LONP2: variants seen among roughly 807,000 people sequenced by gnomAD.
The protein encoded by LONP2 is lon peptidase 2, peroxisomal.
LONP2 carries 60 observed loss-of-function variants against 85.6 expected under a neutral mutation model. The ratio of observed to expected loss-of-function variants is 0.70; its 90% CI spans 0.57 to 0.87. The LOEUF is 0.87. Among genes scored for constraint, LONP2 ranks in the 40% least tolerant of loss-of-function variants. The pLI is 0.00. For synonymous variants in LONP2, 395 were observed against 389.7 expected, an observed-to-expected ratio of 1.01 and a Z score of -0.16; for missense variants, 860 against 1,063.5, an observed-to-expected ratio of 0.81 and a Z score of 2.66.
intron 11 of LONP2, among the ~76,000 whole-genome samples, chr16:48,309,735 T>C (rs955173007): frequency 2.0e-5 from 3 of 152,204 alleles, no homozygotes; most frequent in African/African-American, 7.2e-5. Context: ...TTTTTTAAAT[T>C]TATTGAGACT....
rs919684437 is a variant in LONP2, at chr16:48,286,600, G to C, written c.1383+9121G>C. ...TCATGGCAGCCTTGACCTTACCCAG[G>C]CTCAAGTGACCCACCCACCTCAGCC... On this transcript the variant is annotated intron_variant, in intron 8 of 14. Transcript: ENST00000285737. 2.6e-4 allele frequency among the ~76,000 whole-genome samples: 40 copies of C among 151,898 alleles called. 1 individual carries two copies. The highest frequency in any genetic ancestry group is 8.8e-5 in the Non-Finnish European group (6 of 67,980).
chr16:48,268,854 T>A (rs1022928521), intron 6 of LONP2, among the ~76,000 whole-genome samples: 1 of 152,294 alleles, frequency 6.6e-6, no homozygotes, highest in Non-Finnish European at 1.5e-5. Context: ...AATTACCATC[T>A]CAGGCCATTT....
rs1644797219 is a variant in LONP2 at position 48,262,884 on chromosome 16, A to G, written c.982+12A>G. 1 of 1,538,974 alleles carries G rather than the reference A, an allele frequency of 6.5e-7. No homozygotes were observed. Among genetic ancestry groups the G allele is most frequent in the African/African-American group, 1.4e-5 (1 of 73,114 alleles). ...CAAAAGTACAACTGGTAAGCCAAAA[A>G]ATAACACCTGTTTTGCAGTCTAATT... On this transcript the variant is annotated intron_variant, in intron 6 of 14. Transcript: ENST00000285737.
At chr16:48,297,374 A>C (rs1972695788) in intron 9 of LONP2, among the ~76,000 whole-genome samples, 1 of 151,812 alleles carries the variant, frequency 6.6e-6, no homozygotes, top group Non-Finnish European at 1.5e-5. Context: ...GCAGTGGCAC[A>C]ATCTTGGCTC....
chr16:48,335,815 T>G (rs1056207545), intron 12 of LONP2, among the ~76,000 whole-genome samples: 6 of 152,222 alleles, frequency 3.9e-5, no homozygotes, highest in African/African-American at 1.4e-4. Context: ...GAATAGAACT[T>G]GTTTACTCTT....
At chr16:48,277,672 T>A (rs1379690136) in intron 8 of LONP2, among the ~76,000 whole-genome samples, 193 bp downstream of exon 8, 1 of 152,160 alleles carries the variant, frequency 6.6e-6, no homozygotes, top group Non-Finnish European at 1.5e-5. Flanking sequence ...AGTCCCCTTT[T>A]TTTTTATTTT....
intron 4 of LONP2, 52 bp downstream of exon 4, chr16:48,258,792 A>G (rs1298048854): frequency 6.6e-7 from 1 of 1,519,994 alleles, no homozygotes; most frequent in African/African-American, 1.4e-5. Flanking sequence ...TAAGGAGAAT[A>G]AAGAGAGGAA....
intron 8 of LONP2, among the ~76,000 whole-genome samples, chr16:48,290,225 G>A (rs1211516669): frequency 1.3e-5 from 2 of 151,998 alleles, no homozygotes; most frequent in Non-Finnish European, 2.9e-5. Flanking sequence ...CTTTTCTCAA[G>A]TTTGTCTTTA....
At chr16:48,292,912 A>C (rs1174791626) in intron 8 of LONP2, among the ~76,000 whole-genome samples, 1 of 152,204 alleles carries the variant, frequency 6.6e-6, no homozygotes. Context: ...TTCTTTTAAC[A>C]AGCATCACTA....
downstream of LONP2, chr16:48,361,664 G>A (rs762954004): frequency 5.1e-5 from 83 of 1,613,186 alleles, no homozygotes; most frequent in Non-Finnish European, 6.4e-5. Flanking sequence ...AGACTAGACA[G>A]TCGCTATTCA....
intron 11 of LONP2, among the ~76,000 whole-genome samples, chr16:48,327,126 C>T (rs1370112458): frequency 2.6e-5 from 4 of 152,334 alleles, no homozygotes; most frequent in African/African-American, 4.8e-5. Context: ...GTTCTGCCCC[C>T]GTGCTGTGTG....
chr16:48,244,884 C>T (rs910707929), intron 1 of LONP2, among the ~76,000 whole-genome samples: 1 of 152,306 alleles, frequency 6.6e-6, no homozygotes, highest in East Asian at 1.9e-4. Flanking sequence ...TAATTTGAAT[C>T]CTCTTCCCCC....
intron 14 of LONP2, among the ~76,000 whole-genome samples, 168 bp from the exon 15 acceptor site, chr16:48,351,413 C>G (rs1242255387): frequency 6.6e-6 from 1 of 152,176 alleles, no homozygotes; most frequent in Non-Finnish European, 1.5e-5. Flanking sequence ...AAAAAGGTTA[C>G]TACTTATCCT....
intron 7 of LONP2, among the ~76,000 whole-genome samples, chr16:48,272,451 A>G (rs1042288471): frequency 6.6e-6 from 1 of 152,108 alleles, no homozygotes; most frequent in African/African-American, 2.4e-5. Context: ...GACATATAAA[A>G]TTTGTTCTTT....
At chr16:48,351,118 A>G (rs1383664898) in intron 14 of LONP2, among the ~76,000 whole-genome samples, 1 of 152,210 alleles carries the variant, frequency 6.6e-6, no homozygotes, top group Admixed American at 6.5e-5. Flanking sequence ...GTTTAGGGAT[A>G]CATTTTCTTC....
At chr16:48,287,964 G>C (rs1972482050) in intron 8 of LONP2, among the ~76,000 whole-genome samples, 1 of 152,020 alleles carries the variant, frequency 6.6e-6, no homozygotes, top group Admixed American at 6.6e-5. Flanking sequence ...TGATTTCACT[G>C]CATGCTTCTG....
At chr16:48,327,929 C>T (rs901962002) in intron 11 of LONP2, among the ~76,000 whole-genome samples, 2 of 152,056 alleles carry the variant, frequency 1.3e-5, no homozygotes, top group Non-Finnish European at 2.9e-5. Flanking sequence ...TGATTCCCAA[C>T]CGTTGTGTGA....
chr16:48,358,990 T>C (rs1960475911), downstream of LONP2, among the ~76,000 whole-genome samples: 1 of 152,062 alleles, frequency 6.6e-6, no homozygotes, highest in Non-Finnish European at 1.5e-5. Flanking sequence ...ATATACCCAA[T>C]ATGTTTTGTT....
Position 48,352,383 on chromosome 16 carries a change from C to T in LONP2, c.*581C>T, listed in dbSNP as rs550969920. On this transcript the variant is annotated 3_prime_UTR_variant, in exon 15 of 15. Coordinates refer to ENST00000285737, the MANE Select transcript of LONP2 (RefSeq NM_031490.5). ...CAAGTGGGCCGGGCGTGATGGCTCACACCTGTAATTCCAGCACTTTGGGAG... is the reference window on the plus strand; with the variant it reads ...CAAGTGGGCCGGGCGTGATGGCTCATACCTGTAATTCCAGCACTTTGGGAG... The T allele has an allele frequency of 2.0e-5, 3 of 152,718 alleles. No homozygotes were observed. The highest frequency in any genetic ancestry group is 7.2e-5 in the African/African-American group (3 of 41,572). 9.5% of individuals were successfully genotyped at this position (152,718 alleles called of 1,614,324 possible). A position where few individuals can be genotyped will look rare whatever the true frequency, so the allele number is the denominator to read the frequency against.
Sources: gnomAD v4.1 joint callset for allele counts (sites outside exome capture counted in the v4.1 genomes callset) on GRCh38, gnomAD v4.1.1 for gene constraint, MANE v1.5 for transcripts, NCBI Gene and HGNC (gene_info 2026-07-23, HGNC 2026-07-21) for gene names.